PRELID2: variants seen among roughly 807,000 people sequenced by gnomAD.
The protein encoded by PRELID2 is PRELI domain containing 2.
PRELID2 carries 25 observed loss-of-function variants against 28.4 expected under a neutral mutation model. The ratio of observed to expected loss-of-function variants is 0.88; its 90% confidence interval spans 0.64 to 1.23. The LOEUF is 1.23. Ranked by LOEUF, PRELID2 falls within the 50% of genes most tolerant of loss-of-function variation. The probability of loss-of-function intolerance (pLI) is 0.00; values close to 1 mark genes in which losing one functional copy is unlikely to be tolerated. For missense variants in PRELID2, 201 were observed against 214.4 expected (o/e 0.94, Z 0.39); for synonymous variants, 76 against 71.6 (o/e 1.06, Z -0.31).
intron 1 of PRELID2, among the ~76,000 whole-genome samples, chr5:145,619,027 C>T (rs1753737911): frequency 6.6e-6 from 1 of 152,146 alleles, no homozygotes; most frequent in Admixed American, 6.5e-5. Flanking sequence ...GTCTCACTCC[C>T]ACCATACCCC....
chr5:145,269,108 T>C, the PRELID2 span, among the ~76,000 whole-genome samples: 53 of 152,228 alleles, frequency 3.5e-4, no homozygotes, highest in South Asian at 2.3e-3. Context: ...ACTCTCCAAA[T>C]TAATCTATAC....
chr5:145,298,200 T>G, the PRELID2 span, among the ~76,000 whole-genome samples: 2 of 152,116 alleles, frequency 1.3e-5, no homozygotes, highest in African/African-American at 4.8e-5. Context: ...GGAGGCATCA[T>G]GCTACCTGAC....
At chr5:145,236,946 A>G in the PRELID2 span, among the ~76,000 whole-genome samples, 1 of 152,146 alleles carries the variant, frequency 6.6e-6, no homozygotes, top group Non-Finnish European at 1.5e-5. Context: ...TCAGTCACTC[A>G]TTTTGGTTAT....
intron 1 of PRELID2, chr5:145,825,995 T>C: frequency 3.0e-6 from 3 of 984,404 alleles, no homozygotes; most frequent in Non-Finnish European, 3.6e-6. Context: ...CAGGAACACT[T>C]ACCTGGGAAG....
intron 1 of PRELID2, among the ~76,000 whole-genome samples, chr5:145,556,785 C>G (rs1392287312): frequency 6.6e-6 from 1 of 152,170 alleles, no homozygotes; most frequent in African/African-American, 2.4e-5. Flanking sequence ...GGAGATAATA[C>G]TTCCCATGCT....
At chr5:145,426,431 C>T in the PRELID2 span, among the ~76,000 whole-genome samples, 2 of 152,174 alleles carry the variant, frequency 1.3e-5, no homozygotes, top group Non-Finnish European at 2.9e-5. Flanking sequence ...AATCAAATGT[C>T]TAAAGAGCTG....
At chr5:145,688,794 G>T (rs1192574154) in intron 1 of PRELID2, among the ~76,000 whole-genome samples, 1 of 152,158 alleles carries the variant, frequency 6.6e-6, no homozygotes, top group Non-Finnish European at 1.5e-5. Context: ...GGAGGCAAAG[G>T]TATGGACCTT....
chr5:145,519,132 C>A (rs1752543118), intron 1 of PRELID2, among the ~76,000 whole-genome samples: 1 of 152,132 alleles, frequency 6.6e-6, no homozygotes, highest in Admixed American at 6.6e-5. Context: ...GTTGACTTGA[C>A]AAAAGTTATG....
chr5:145,269,042 TA>T, the PRELID2 span, among the ~76,000 whole-genome samples: 21 of 152,176 alleles, frequency 1.4e-4, no homozygotes, highest in African/African-American at 4.6e-4. Context: ...CCTAAATAAA[TA>T]GAAAGATATG....
rs564113542 is a variant in PRELID2 at position 145,494,025 on chromosome 5, C to T, written n.71-20710G>A. Among the ~76,000 whole-genome samples, 10 of 152,264 alleles carry T rather than the reference C, an allele frequency of 6.6e-5. No individual in the cohort carries two copies. The East Asian group carries it at 1.9e-3, about 29-fold the overall frequency. ...CGCTTGTTCACAGTGATAATAGATT[C>T]CTGAACATTTACTTAGATTCACACA... On this transcript the variant is annotated intron_variant and non_coding_transcript_variant, in intron 1 of 2. Transcript: ENST00000510259.
chr5:145,799,991 T>C (rs1395378488), intron 4 of PRELID2, among the ~76,000 whole-genome samples: 1 of 152,142 alleles, frequency 6.6e-6, no homozygotes, highest in Non-Finnish European at 1.5e-5. Context: ...TAATAAAAAA[T>C]ATTCAAAACA....
At chr5:145,435,626 C>G in the PRELID2 span, among the ~76,000 whole-genome samples, 1 of 152,046 alleles carries the variant, frequency 6.6e-6, no homozygotes, top group Non-Finnish European at 1.5e-5. Context: ...CAATGACTTC[C>G]TAGGACTTCT....
At chr5:145,244,394 C>T in the PRELID2 span, among the ~76,000 whole-genome samples, 1 of 152,044 alleles carries the variant, frequency 6.6e-6, no homozygotes, top group South Asian at 2.1e-4. Flanking sequence ...AGCAAAGTGC[C>T]TGGCGGGTGG....
intron 1 of PRELID2, among the ~76,000 whole-genome samples, chr5:145,639,625 C>T (rs1182045609): frequency 6.6e-6 from 1 of 152,178 alleles, no homozygotes; most frequent in African/African-American, 2.4e-5. Flanking sequence ...CAAACTTACG[C>T]TTCTATCTGC....
chr5:145,808,297 G>C (rs780769393), intron 4 of PRELID2, among the ~76,000 whole-genome samples: 33 of 151,998 alleles, frequency 2.2e-4, no homozygotes, highest in Non-Finnish European at 4.1e-4. Flanking sequence ...AAAAATGCCA[G>C]TGCCAATCTT....
the PRELID2 span, among the ~76,000 whole-genome samples, chr5:145,387,800 A>G: frequency 6.6e-6 from 1 of 151,792 alleles, no homozygotes; most frequent in Non-Finnish European, 1.5e-5. Context: ...GGCATGGTGG[A>G]GCACACCTGT....
chr5:145,748,271 C>T (rs907286675), intron 1 of PRELID2, among the ~76,000 whole-genome samples: 1 of 152,100 alleles, frequency 6.6e-6, no homozygotes, highest in African/African-American at 2.4e-5. Context: ...TCATCTCAGC[C>T]CAAAACTTCT....
chr5:145,703,016 A>C (rs375394825), intron 1 of PRELID2, among the ~76,000 whole-genome samples: 17 of 152,208 alleles, frequency 1.1e-4, no homozygotes, highest in Admixed American at 6.5e-4. Flanking sequence ...AACCCTAACA[A>C]AAATGCACAC....
intron 1 of PRELID2, among the ~76,000 whole-genome samples, chr5:145,530,437 G>A (rs1752646068): frequency 6.6e-6 from 1 of 152,040 alleles, no homozygotes; most frequent in Admixed American, 6.6e-5. Flanking sequence ...CCTGGGCCTT[G>A]AAGAATGAGT....
Sources: allele counts gnomAD v4.1 joint callset (sites outside exome capture counted in the v4.1 genomes callset), GRCh38; gene constraint gnomAD v4.1.1; transcripts MANE v1.5; gene names NCBI Gene and HGNC (gene_info 2026-07-23, HGNC 2026-07-21).